KCNJ6: variants seen among roughly 807,000 people sequenced by gnomAD.
The protein encoded by KCNJ6 is potassium inwardly rectifying channel subfamily J member 6, also known as G protein-activated inward rectifier potassium channel 2.
Under a neutral mutation model 34.2 loss-of-function variants are expected in KCNJ6, and 9 were observed. That is an observed-to-expected ratio of 0.26 (90% CI 0.16 to 0.46). The LOEUF is 0.46. Among genes scored for constraint, KCNJ6 ranks in the 20% least tolerant of loss-of-function variants. The probability of loss-of-function intolerance (pLI) is 1.00; values close to 1 mark genes in which losing one functional copy is unlikely to be tolerated. For synonymous variants in KCNJ6, 196 were observed against 207.1 expected (o/e 0.95, Z 0.46); for missense variants, 236 against 531.3 (o/e 0.44, Z 5.46).
intron 3 of KCNJ6, among the ~76,000 whole-genome samples, chr21:37,703,822 C>G (rs1345009651): frequency 6.0e-5 from 1 of 16,786 alleles, no homozygotes; most frequent in East Asian, 1.9e-3. Context: ...GGACACCTTG[C>G]CTGGCTGGCA....
intron 1 of KCNJ6, among the ~76,000 whole-genome samples, chr21:37,863,242 G>A (rs1341434596): frequency 6.6e-6 from 1 of 152,082 alleles, no homozygotes; most frequent in Non-Finnish European, 1.5e-5. Flanking sequence ...AAAATTTTAG[G>A]TTCTTAGTTT....
chr21:37,664,152 T>C (rs1033759628), intron 3 of KCNJ6, among the ~76,000 whole-genome samples: 5 of 152,164 alleles, frequency 3.3e-5, no homozygotes, highest in African/African-American at 1.2e-4. Context: ...AATTAGCTCT[T>C]AGAATTGAAC....
chr21:37,706,900 A>G (rs2054722648), intron 3 of KCNJ6, among the ~76,000 whole-genome samples: 1 of 152,292 alleles, frequency 6.6e-6, no homozygotes, highest in African/African-American at 2.4e-5. Context: ...ATGGGAATAT[A>G]GAAATCATAT....
In KCNJ6 at chr21:37,614,744, CTCTG is replaced by C. The variant is rs905253823; in HGVS notation, c.*10411_*10414del. 3 of 106,252 alleles carry C rather than the reference CTCTG, an allele frequency of 2.8e-5. No individual in the cohort carries two copies. The highest frequency in any genetic ancestry group is 3.4e-4 in the South Asian group (1 of 2,968). 6.6% of individuals were successfully genotyped at this position (106,252 alleles called of 1,614,324 possible). The stretch of plus-strand genomic sequence containing the variant: ...TATGCGTGTGTGTGTATGCGCATGT[CTCTG>C]TATGTGTGTGTATGCATGTGTCTGT... On this transcript the variant is annotated 3_prime_UTR_variant, in exon 4 of 4. Coordinates refer to ENST00000609713, the MANE Select transcript of KCNJ6 (RefSeq NM_002240.5).
intron 2 of KCNJ6, among the ~76,000 whole-genome samples, chr21:37,818,795 T>C (rs898378538): frequency 7.2e-5 from 11 of 152,364 alleles, no homozygotes; most frequent in African/African-American, 2.6e-4. Context: ...CTTTTCTTTG[T>C]CAGAGGATGG....
chr21:37,779,631 GGA>G (rs1431080664), intron 2 of KCNJ6, among the ~76,000 whole-genome samples: 1 of 152,150 alleles, frequency 6.6e-6, no homozygotes, highest in Non-Finnish European at 1.5e-5. Flanking sequence ...GGAACCTGAG[GGA>G]GTTCAAAAAT....
chr21:37,664,907 T>C (rs780406108), intron 3 of KCNJ6, among the ~76,000 whole-genome samples: 5 of 150,260 alleles, frequency 3.3e-5, no homozygotes, highest in Non-Finnish European at 5.9e-5. Flanking sequence ...ACCATTCTCC[T>C]GCCTCAGCCT....
intron 2 of KCNJ6, among the ~76,000 whole-genome samples, chr21:37,727,227 A>G (rs1054161420): frequency 6.6e-5 from 10 of 152,164 alleles, no homozygotes; most frequent in South Asian, 2.1e-4. Context: ...TGAGAGGATA[A>G]GTCTCTTTTG....
intron 1 of KCNJ6, among the ~76,000 whole-genome samples, chr21:37,842,353 T>C (rs2055485278): frequency 6.6e-6 from 1 of 152,208 alleles, no homozygotes; most frequent in African/African-American, 2.4e-5. Context: ...AATGATGTCA[T>C]GGCTTGGGTG....
chr21:37,661,616 T>TTTTTTTTTTTTTG (rs1569440334), intron 3 of KCNJ6, among the ~76,000 whole-genome samples: 1 of 79,504 alleles, frequency 1.3e-5, no homozygotes, highest in African/African-American at 6.9e-5. Flanking sequence ...GAGACATAGT[T>TTTTTTTTTTTTTG]TTTTTTTTTT....
At chr21:37,875,697 G>A (rs1040532988) in intron 1 of KCNJ6, among the ~76,000 whole-genome samples, 1 of 152,184 alleles carries the variant, frequency 6.6e-6, no homozygotes, top group African/African-American at 2.4e-5. Flanking sequence ...GAAGGTAGAA[G>A]GAAAACCATG....
intron 3 of KCNJ6, among the ~76,000 whole-genome samples, chr21:37,646,550 G>A (rs1004604944): frequency 2.0e-5 from 3 of 152,230 alleles, no homozygotes; most frequent in Non-Finnish European, 4.4e-5. Context: ...CCTCTAGGGA[G>A]GGTTGGCATG....
At chr21:37,700,738 C>T (rs1430194311) in intron 3 of KCNJ6, among the ~76,000 whole-genome samples, 1 of 152,116 alleles carries the variant, frequency 6.6e-6, no homozygotes, top group East Asian at 1.9e-4. Flanking sequence ...AGGGCCGCCT[C>T]ATATGGTTGT....
chr21:37,694,624 A>G (rs2054655990), intron 3 of KCNJ6, among the ~76,000 whole-genome samples: 1 of 152,180 alleles, frequency 6.6e-6, no homozygotes, highest in Admixed American at 6.5e-5. Flanking sequence ...GTGATGATGA[A>G]AACATTGTGT....
chr21:37,698,106 G>A (rs1383849832), intron 3 of KCNJ6, among the ~76,000 whole-genome samples: 4 of 152,222 alleles, frequency 2.6e-5, no homozygotes, highest in Non-Finnish European at 5.9e-5. Flanking sequence ...TTTGAAAACA[G>A]AATGTTAATA....
chr21:37,914,331 A>G (rs1336893787), intron 1 of KCNJ6, among the ~76,000 whole-genome samples: 1 of 152,158 alleles, frequency 6.6e-6, no homozygotes, highest in Non-Finnish European at 1.5e-5. Context: ...GGGGCTGCAG[A>G]CAGGTGAGGC....
chr21:37,666,357 C>T (rs750926620), intron 3 of KCNJ6, among the ~76,000 whole-genome samples: 4 of 152,124 alleles, frequency 2.6e-5, no homozygotes, highest in Non-Finnish European at 5.9e-5. Context: ...TGACTTGGCT[C>T]AGGGGCTCCT....
intron 3 of KCNJ6, among the ~76,000 whole-genome samples, chr21:37,698,792 G>T (rs1019919630): frequency 6.6e-6 from 1 of 152,066 alleles, no homozygotes; most frequent in Non-Finnish European, 1.5e-5. Context: ...TACCTTCAGG[G>T]TTCAAATGAT....
intron 3 of KCNJ6, among the ~76,000 whole-genome samples, chr21:37,653,462 T>C (rs928251925): frequency 2.0e-5 from 3 of 152,146 alleles, no homozygotes; most frequent in African/African-American, 7.2e-5. Context: ...ATGCATTCTC[T>C]TTATGGGAAG....
Sources: allele counts gnomAD v4.1 joint callset (sites outside exome capture counted in the v4.1 genomes callset), GRCh38; gene constraint gnomAD v4.1.1; transcripts MANE v1.5; gene names NCBI Gene and HGNC (gene_info 2026-07-23, HGNC 2026-07-21).